CDYL2: variants seen among roughly 807,000 people sequenced by gnomAD.
CDYL2 encodes chromodomain Y like 2, also known as chromodomain Y-like protein 2.
In CDYL2, 23 loss-of-function variants were observed where a neutral mutation model predicts 49.4. The observed-to-expected ratio is 0.47, with a 90% CI of 0.34 to 0.66. The LOEUF (loss-of-function observed/expected upper bound fraction) is 0.66. Among genes scored for constraint, CDYL2 ranks in the 30% least tolerant of loss-of-function variants. The probability of loss-of-function intolerance (pLI) is 0.01; values close to 1 mark genes in which losing one functional copy is unlikely to be tolerated. For synonymous variants in CDYL2, 360 were observed against 268.8 expected, an observed-to-expected ratio of 1.34 and a Z score of -3.32; for missense variants, 678 against 656.4, an observed-to-expected ratio of 1.03 and a Z score of -0.36.
intron 3 of CDYL2, among the ~76,000 whole-genome samples, chr16:80,631,363 C>T (rs1907552809): frequency 6.6e-6 from 1 of 152,200 alleles, no homozygotes; most frequent in South Asian, 2.1e-4. Flanking sequence ...TAGGAAAAGG[C>T]TGCTTCGTGG....
chr16:80,709,972 G>A (rs1364427465), intron 1 of CDYL2, among the ~76,000 whole-genome samples: 1 of 149,938 alleles, frequency 6.7e-6, no homozygotes, highest in Non-Finnish European at 1.5e-5. Context: ...CTTTCGCCCA[G>A]CCTGGAGTGC....
At chr16:80,728,081 T>C (rs1905222093) in intron 1 of CDYL2, among the ~76,000 whole-genome samples, 2 of 152,208 alleles carry the variant, frequency 1.3e-5, no homozygotes, top group South Asian at 2.1e-4. Context: ...TCACCAGCAA[T>C]GGAACAAAGC....
chr16:80,614,375 A>G (rs1448809924), intron 4 of CDYL2, among the ~76,000 whole-genome samples: 1 of 152,192 alleles, frequency 6.6e-6, no homozygotes, highest in Non-Finnish European at 1.5e-5. Context: ...GGCGTCCTCC[A>G]AGCCCATTCA....
intron 1 of CDYL2, among the ~76,000 whole-genome samples, chr16:80,780,696 G>A (rs756231277): frequency 4.6e-5 from 7 of 151,922 alleles, no homozygotes; most frequent in African/African-American, 1.5e-4. Context: ...GAGCCACCGC[G>A]CCCGGCCCAG....
At chr16:80,639,564 G>A in intron 2 of CDYL2, 2 of 396,758 alleles carry the variant, frequency 5.0e-6, no homozygotes, top group Non-Finnish European at 9.8e-6. Flanking sequence ...CACAATAGAA[G>A]GCTCCATGGA....
chr16:80,779,026 CTAAGAA>C (rs1907180239), intron 1 of CDYL2, among the ~76,000 whole-genome samples: 1 of 151,814 alleles, frequency 6.6e-6, no homozygotes, highest in African/African-American at 2.4e-5. Flanking sequence ...CCATAAAAGA[CTAAGAA>C]TAAATGCTTA....
intron 1 of CDYL2, among the ~76,000 whole-genome samples, chr16:80,745,046 G>C (rs1335198929): frequency 3.3e-5 from 5 of 152,166 alleles, no homozygotes; most frequent in African/African-American, 1.2e-4. Context: ...CGAAACCATG[G>C]TGCTAGAGGC....
At chr16:80,641,704 A>G (rs889762800) in intron 2 of CDYL2, among the ~76,000 whole-genome samples, 4 of 138,628 alleles carry the variant, frequency 2.9e-5, no homozygotes, top group Non-Finnish European at 6.1e-5. Flanking sequence ...CAATGAGAAC[A>G]CATGGACACA....
At chr16:80,619,374 T>A (rs1906973959) in intron 4 of CDYL2, among the ~76,000 whole-genome samples, 2 of 152,222 alleles carry the variant, frequency 1.3e-5, no homozygotes, top group African/African-American at 4.8e-5. Context: ...GCTAATGAGC[T>A]GCTCGTGCAT....
rs1227289053 is a variant in CDYL2 at position 80,608,342 on chromosome 16, T to C, written c.1219-107A>G. The stretch of plus-strand genomic sequence containing the variant: ...AACCATCCCAGTTCTGGAAGGCATC[T>C]TGCCTTCCAGATCCTTATCTTATTT... On this transcript the variant is annotated intron_variant, in intron 5 of 6. Transcript: ENST00000570137. 1.1e-5 allele frequency: 14 copies of C among 1,223,798 alleles called. No homozygotes were observed. In the South Asian group the frequency reaches 1.4e-4, roughly 13 times the overall value. The allele number at this position is 1,223,798 out of a possible 1,614,324, so 75.8% of individuals were successfully genotyped here.
chr16:80,734,119 C>T (rs1905429107), intron 1 of CDYL2, among the ~76,000 whole-genome samples: 1 of 152,138 alleles, frequency 6.6e-6, no homozygotes, highest in African/African-American at 2.4e-5. Flanking sequence ...CTTGGATGGG[C>T]ATCTCATATC....
At chr16:80,695,689 T>A (rs979905987) in intron 1 of CDYL2, among the ~76,000 whole-genome samples, 2 of 152,138 alleles carry the variant, frequency 1.3e-5, no homozygotes, top group Non-Finnish European at 2.9e-5. Flanking sequence ...AGGGATCAAT[T>A]CAGCAAAAGG....
intron 2 of CDYL2, among the ~76,000 whole-genome samples, chr16:80,654,567 C>T (rs1276732171): frequency 6.6e-6 from 1 of 152,204 alleles, no homozygotes; most frequent in Non-Finnish European, 1.5e-5. Context: ...GGAATTGCCC[C>T]TCTGCATACA....
chr16:80,731,507 C>G (rs8053926), intron 1 of CDYL2, among the ~76,000 whole-genome samples: 5,974 of 152,176 alleles, frequency 0.039, 127 homozygotes, highest in East Asian at 0.097. Context: ...AGGAACCCCA[C>G]ACAATGACCA....
chr16:80,663,411 T>G (rs927529971), intron 2 of CDYL2, among the ~76,000 whole-genome samples: 2 of 150,806 alleles, frequency 1.3e-5, no homozygotes, highest in Non-Finnish European at 2.9e-5. Context: ...GGGCTCAAAT[T>G]CACAGGTGCA....
intron 2 of CDYL2, among the ~76,000 whole-genome samples, chr16:80,681,049 C>A (rs1356653223): frequency 6.6e-6 from 1 of 152,184 alleles, no homozygotes; most frequent in African/African-American, 2.4e-5. Flanking sequence ...AACCAAAACA[C>A]CACCCGCCGG....
intron 2 of CDYL2, among the ~76,000 whole-genome samples, chr16:80,638,376 A>C (rs1473092829): frequency 6.6e-6 from 1 of 152,214 alleles, no homozygotes; most frequent in Non-Finnish European, 1.5e-5. Context: ...CACTTCGCCA[A>C]GACTCAATAT....
intron 1 of CDYL2, among the ~76,000 whole-genome samples, chr16:80,732,245 T>C (rs112569568): frequency 6.6e-6 from 1 of 152,226 alleles, no homozygotes; most frequent in Non-Finnish European, 1.5e-5. Flanking sequence ...GAAATCAGGA[T>C]ACATTCTACA....
intron 5 of CDYL2, among the ~76,000 whole-genome samples, chr16:80,608,969 G>A (rs1336525190): frequency 6.6e-6 from 1 of 152,162 alleles, no homozygotes; most frequent in African/African-American, 2.4e-5. Flanking sequence ...CAGCCAAAAA[G>A]GTCGTGAATA....
Sources: allele counts gnomAD v4.1 joint callset (sites outside exome capture counted in the v4.1 genomes callset), GRCh38; gene constraint gnomAD v4.1.1; transcripts MANE v1.5; gene names NCBI Gene and HGNC (gene_info 2026-07-23, HGNC 2026-07-21).